RBFOX1: variants seen among roughly 807,000 people sequenced by gnomAD.
RBFOX1 encodes the protein RNA binding fox-1 homolog 1.
RBFOX1 carries 8 observed loss-of-function variants against 57.7 expected under a neutral mutation model. The observed-to-expected ratio is 0.14, with a 90% CI of 0.08 to 0.25. The LOEUF is 0.25. Among genes scored for constraint, RBFOX1 ranks in the 10% least tolerant of loss-of-function variants. The pLI is 1.00. For synonymous variants in RBFOX1, 326 were observed against 222.4 expected (o/e 1.47, Z -4.15); for missense variants, 611 against 548.5 (o/e 1.11, Z -1.14).
At chr16:5,717,443 G>A (rs1308970891) in intron 3 of RBFOX1, among the ~76,000 whole-genome samples, 3 of 152,012 alleles carry the variant, frequency 2.0e-5, no homozygotes, top group African/African-American at 7.2e-5. Context: ...AGATTTTGGT[G>A]CACCCATCAC....
intron 3 of RBFOX1, among the ~76,000 whole-genome samples, chr16:5,760,749 A>G (rs1274990034): frequency 1.3e-5 from 2 of 152,184 alleles, no homozygotes; most frequent in Non-Finnish European, 2.9e-5. Context: ...ATTTGAAAGT[A>G]ATGACAAAAA....
intron 1 of RBFOX1, among the ~76,000 whole-genome samples, chr16:5,341,351 C>G (rs950585283): frequency 2.0e-5 from 3 of 152,006 alleles, no homozygotes; most frequent in Admixed American, 6.6e-5. Flanking sequence ...TGGTGAGAGG[C>G]AAGAGAGAAA....
chr16:6,135,976 G>C (rs1204166775), intron 1 of RBFOX1, among the ~76,000 whole-genome samples: 3 of 151,736 alleles, frequency 2.0e-5, no homozygotes, highest in Admixed American at 6.6e-5. Flanking sequence ...TGTATTTTTA[G>C]TAGAGATGGG....
intron 3 of RBFOX1, among the ~76,000 whole-genome samples, chr16:6,658,460 G>C (rs964700429): frequency 2.6e-5 from 4 of 152,024 alleles, no homozygotes; most frequent in African/African-American, 9.7e-5. Context: ...GCCTGCTTCA[G>C]CCTCCCAAAG....
intron 1 of RBFOX1, among the ~76,000 whole-genome samples, chr16:6,236,062 A>T (rs1051855038): frequency 6.6e-6 from 1 of 152,212 alleles, no homozygotes; most frequent in African/African-American, 2.4e-5. Flanking sequence ...ATCTATAGGA[A>T]ATGGGAGGCT....
intron 1 of RBFOX1, among the ~76,000 whole-genome samples, chr16:5,467,025 T>C (rs1287165138): frequency 1.3e-5 from 2 of 152,204 alleles, no homozygotes; most frequent in African/African-American, 2.4e-5. Context: ...TGTCATCTTG[T>C]TTGTTGTCAA....
At chr16:5,579,248 G>A (rs1474639810) in intron 2 of RBFOX1, among the ~76,000 whole-genome samples, 1 of 152,052 alleles carries the variant, frequency 6.6e-6, no homozygotes, top group Admixed American at 6.6e-5. Context: ...AGTGCAGGTA[G>A]CCAGACAGGT....
At chr16:5,633,172 C>T (rs899063132) in intron 3 of RBFOX1, among the ~76,000 whole-genome samples, 2 of 151,920 alleles carry the variant, frequency 1.3e-5, no homozygotes, top group East Asian at 1.9e-4. Flanking sequence ...CTCCTGACCT[C>T]GTGATCCAGC....
intron 3 of RBFOX1, among the ~76,000 whole-genome samples, chr16:6,732,102 C>G (rs1358598869): frequency 6.6e-6 from 1 of 152,096 alleles, no homozygotes; most frequent in African/African-American, 2.4e-5. Flanking sequence ...CTCTTTCAGT[C>G]TTCCCTTTGC....
chr16:5,586,836 C>G (rs942677667), intron 2 of RBFOX1, among the ~76,000 whole-genome samples: 10 of 152,158 alleles, frequency 6.6e-5, no homozygotes, highest in African/African-American at 2.4e-4. Flanking sequence ...GAGTGAGGAG[C>G]TGAGGTAGCA....
At chr16:5,942,573 A>G (rs2059304589) in intron 4 of RBFOX1, among the ~76,000 whole-genome samples, 1 of 152,242 alleles carries the variant, frequency 6.6e-6, no homozygotes, top group African/African-American at 2.4e-5. Flanking sequence ...ACCTCTTAGC[A>G]GGATTCAAGT....
intron 4 of RBFOX1, among the ~76,000 whole-genome samples, chr16:7,092,776 C>A (rs1320529781): frequency 1.3e-5 from 2 of 152,160 alleles, no homozygotes; most frequent in Middle Eastern, 3.2e-3. Context: ...TATTAATCAC[C>A]TGTTGATTGC....
intron 4 of RBFOX1, among the ~76,000 whole-genome samples, chr16:7,477,027 G>T (rs1446605129): frequency 6.6e-6 from 1 of 152,116 alleles, no homozygotes; most frequent in African/African-American, 2.4e-5. Flanking sequence ...AACACTTGCT[G>T]TCAGGCTGGA....
At chr16:6,597,942 A>G (rs2097793863) in intron 2 of RBFOX1, among the ~76,000 whole-genome samples, 1 of 152,234 alleles carries the variant, frequency 6.6e-6, no homozygotes. Context: ...ACAGAAAAGT[A>G]GAAGGAACTT....
intron 1 of RBFOX1, among the ~76,000 whole-genome samples, chr16:6,044,775 C>A (rs755655285): frequency 6.6e-6 from 1 of 152,200 alleles, no homozygotes; most frequent in South Asian, 2.1e-4. Flanking sequence ...TGGCATGAGG[C>A]GTGAACTCTG....
At chr16:6,972,196 GC>G (rs141408287) in intron 3 of RBFOX1, among the ~76,000 whole-genome samples, 18,972 of 152,108 alleles carry the variant, frequency 0.12, 1,273 homozygotes, top group South Asian at 0.24. Context: ...GATCACGAAA[GC>G]TTTTTCATCC....
chr16:6,946,618 T>C (rs920873372), intron 3 of RBFOX1, among the ~76,000 whole-genome samples: 19 of 152,056 alleles, frequency 1.2e-4, no homozygotes, highest in Admixed American at 1.2e-3. Context: ...GGGAAGGTAG[T>C]AGGGGTTAGG....
At chr16:6,625,834 A>G (rs2098297532) in intron 2 of RBFOX1, among the ~76,000 whole-genome samples, 3 of 152,322 alleles carry the variant, frequency 2.0e-5, no homozygotes, top group Non-Finnish European at 2.9e-5. Context: ...ATGTTTCTAC[A>G]TTTGCAGCAT....
chr16:7,340,085 A>T (rs73563880), intron 4 of RBFOX1, among the ~76,000 whole-genome samples: 1 of 152,072 alleles, frequency 6.6e-6, no homozygotes, highest in Non-Finnish European at 1.5e-5. Flanking sequence ...CAAATCAATC[A>T]TCTAATCTCT....
Sources: allele counts gnomAD v4.1 joint callset (sites outside exome capture counted in the v4.1 genomes callset), GRCh38; gene constraint gnomAD v4.1.1; transcripts MANE v1.5; gene names NCBI Gene and HGNC (gene_info 2026-07-23, HGNC 2026-07-21).